The following NKAIN3 variants were observed in gnomAD, a reference collection of about 807,000 sequenced individuals.
NKAIN3 encodes the protein sodium/potassium-transporting ATPase subunit beta-1-interacting protein 3.
NKAIN3 carries 25 observed loss-of-function variants against 30.2 expected under a neutral mutation model. The ratio of observed to expected loss-of-function variants is 0.83; its 90% CI spans 0.60 to 1.16. The LOEUF is 1.16. Ranked by LOEUF, NKAIN3 falls within the 50% of genes most tolerant of loss-of-function variation. The pLI is 0.00. For synonymous variants in NKAIN3, 91 were observed against 89.6 expected, an observed-to-expected ratio of 1.02 and a Z score of -0.09; for missense variants, 225 against 254.1, an observed-to-expected ratio of 0.89 and a Z score of 0.78.
In NKAIN3 at chr8:62,513,735, G is replaced by A. The variant is rs544544678; in HGVS notation, c.55-65804G>A. Among the ~76,000 whole-genome samples the A allele has an allele frequency of 1.2e-4, 18 of 151,864 alleles. No individual in the cohort carries two copies. The East Asian group carries it at 2.5e-3, about 21-fold the overall frequency. On this transcript the variant is annotated intron_variant, in intron 1 of 6. Transcript: ENST00000623646. ...AAGATACAAAAATTAGCTAGGTGTG[G>A]TGGCGCACACATGTAGTCCCAGCTA...
At chr8:62,438,249 A>G (rs1047753061) in intron 1 of NKAIN3, among the ~76,000 whole-genome samples, 8 of 152,210 alleles carry the variant, frequency 5.3e-5, no homozygotes, top group African/African-American at 1.9e-4. Flanking sequence ...TTTTCTTTGT[A>G]AATTTTTCAC....
intron 5 of NKAIN3, among the ~76,000 whole-genome samples, chr8:62,937,396 T>A (rs1822818965): frequency 6.6e-6 from 1 of 152,066 alleles, no homozygotes; most frequent in Admixed American, 6.5e-5. Context: ...CAACCACACA[T>A]CCTCACTGGG....
chr8:62,732,971 C>G (rs1815528128), intron 3 of NKAIN3, among the ~76,000 whole-genome samples: 1 of 152,010 alleles, frequency 6.6e-6, no homozygotes, highest in African/African-American at 2.4e-5. Flanking sequence ...CTTCTACCAT[C>G]TATCTTTTGC....
chr8:62,557,475 A>C (rs1457876676), intron 1 of NKAIN3, among the ~76,000 whole-genome samples: 1 of 152,104 alleles, frequency 6.6e-6, no homozygotes. Context: ...TTAAAAAAAA[A>C]TGTTCACACT....
chr8:62,840,186 A>C (rs980788613), intron 4 of NKAIN3, among the ~76,000 whole-genome samples: 1 of 152,022 alleles, frequency 6.6e-6, no homozygotes, highest in African/African-American at 2.4e-5. Context: ...CATCTTCCTT[A>C]ACCTACATTA....
chr8:62,256,525 T>C (rs1812267162), intron 1 of NKAIN3, among the ~76,000 whole-genome samples: 1 of 152,244 alleles, frequency 6.6e-6, no homozygotes, highest in Non-Finnish European at 1.5e-5. Flanking sequence ...TAACAGGCTC[T>C]TCAAGGGCTG....
At chr8:62,355,609 A>T (rs1816323764) in intron 1 of NKAIN3, among the ~76,000 whole-genome samples, 1 of 152,222 alleles carries the variant, frequency 6.6e-6, no homozygotes, top group Admixed American at 6.5e-5. Flanking sequence ...AGGGATGTAG[A>T]TGAAATTCTG....
chr8:62,405,827 C>T (rs911638824), intron 1 of NKAIN3, among the ~76,000 whole-genome samples: 1 of 152,156 alleles, frequency 6.6e-6, no homozygotes, highest in African/African-American at 2.4e-5. Flanking sequence ...ATTTGGCCAC[C>T]TTGCTCTGCC....
Position 62,966,000 on chromosome 8 carries a change from C to G in NKAIN3, c.*593C>G, listed in dbSNP as rs1823701294. 1 of 984,774 alleles carries G rather than the reference C, an allele frequency of 1.0e-6. No individual in the cohort carries two copies. The highest frequency in any genetic ancestry group is 6.2e-5 in the Admixed American group (1 of 16,258). 61.0% of individuals were successfully genotyped at this position (984,774 alleles called of 1,614,324 possible). A position where few individuals can be genotyped will look rare whatever the true frequency, so the allele number is the denominator to read the frequency against. ...AAACCCAGAACGATATTATGGCAATCTAAATTTTCAGATTCGTGCATATCT... is the reference window on the plus strand; with the variant it reads ...AAACCCAGAACGATATTATGGCAATGTAAATTTTCAGATTCGTGCATATCT... On this transcript the variant is annotated 3_prime_UTR_variant, in exon 7 of 7. Transcript: ENST00000623646.
intron 1 of NKAIN3, among the ~76,000 whole-genome samples, chr8:62,253,867 A>G (rs1179736604): frequency 6.6e-6 from 1 of 152,126 alleles, no homozygotes; most frequent in African/African-American, 2.4e-5. Flanking sequence ...TTCTTTTACT[A>G]TGTATTTATA....
chr8:62,948,692 A>G (rs954373506), intron 5 of NKAIN3, among the ~76,000 whole-genome samples: 9 of 152,248 alleles, frequency 5.9e-5, no homozygotes, highest in African/African-American at 1.9e-4. Flanking sequence ...AAGATCAGAC[A>G]TGAAAAATAA....
At chr8:62,611,802 C>A (rs950780900) in intron 3 of NKAIN3, among the ~76,000 whole-genome samples, 9 of 152,006 alleles carry the variant, frequency 5.9e-5, no homozygotes, top group Admixed American at 2.6e-4. Context: ...TGGGTAAATA[C>A]CTAAAAGTGA....
intron 1 of NKAIN3, among the ~76,000 whole-genome samples, chr8:62,415,165 A>G (rs1486476822): frequency 7.7e-5 from 11 of 142,206 alleles, no homozygotes; most frequent in Non-Finnish European, 1.5e-5. Flanking sequence ...ATAGTATATT[A>G]TATAATATAT....
At chr8:62,667,342 ATTC>A (rs370590330) in intron 3 of NKAIN3, among the ~76,000 whole-genome samples, 3 of 131,062 alleles carry the variant, frequency 2.3e-5, no homozygotes, top group African/African-American at 1.1e-4. Context: ...TTATATATAT[ATTC>A]TTTATATATA....
intron 1 of NKAIN3, among the ~76,000 whole-genome samples, chr8:62,346,262 C>A (rs925792728): frequency 2.6e-5 from 4 of 151,946 alleles, no homozygotes; most frequent in Non-Finnish European, 4.4e-5. Context: ...TTAAAGTGAT[C>A]GATGTGTCAA....
intron 1 of NKAIN3, among the ~76,000 whole-genome samples, chr8:62,416,996 A>G (rs1368990166): frequency 6.6e-6 from 1 of 151,090 alleles, no homozygotes; most frequent in South Asian, 2.1e-4. Flanking sequence ...ATCTAAATAA[A>G]TATATATATT....
intron 4 of NKAIN3, chr8:62,856,354 TG>T: frequency 1.1e-6 from 1 of 878,664 alleles, no homozygotes; most frequent in Non-Finnish European, 2.0e-6. Flanking sequence ...GCTTGCTTCC[TG>T]GTCTCCTTGG....
intron 3 of NKAIN3, among the ~76,000 whole-genome samples, chr8:62,706,427 C>T (rs1814522914): frequency 6.6e-6 from 1 of 152,082 alleles, no homozygotes; most frequent in Non-Finnish European, 1.5e-5. Context: ...CTTCGTCTTC[C>T]TTCTAAAAGT....
intron 1 of NKAIN3, among the ~76,000 whole-genome samples, chr8:62,526,458 G>C (rs556351477): frequency 1.3e-5 from 2 of 152,232 alleles, no homozygotes; most frequent in African/African-American, 4.8e-5. Flanking sequence ...GGTTGAACTA[G>C]ATTGCCTATG....
Sources: gnomAD v4.1 joint callset for allele counts (sites outside exome capture counted in the v4.1 genomes callset) on GRCh38, gnomAD v4.1.1 for gene constraint, MANE v1.5 for transcripts, NCBI Gene and HGNC (gene_info 2026-07-23, HGNC 2026-07-21) for gene names.